DMD: variants seen among roughly 807,000 people sequenced by gnomAD.
The protein encoded by DMD is mutant dystrophin.
DMD carries 63 observed loss-of-function variants against 330.1 expected under a neutral mutation model. That is an observed-to-expected ratio of 0.19 (90% CI 0.16 to 0.24). The LOEUF (loss-of-function observed/expected upper bound fraction) is 0.24, where lower values mean the gene tolerates loss of function less well. Ranked by LOEUF, DMD falls within the 10% of genes least tolerant of loss-of-function variation. DMD has a pLI of 1.00. For synonymous variants in DMD, 1,223 were observed against 959.8 expected (o/e 1.27, Z -5.07); for missense variants, 3,344 against 2,684.1 (o/e 1.25, Z -5.43).
At chrX:32,632,461 A>T (rs1353698272) in intron 11 of DMD, among the ~76,000 whole-genome samples, 1 of 112,080 alleles carries the variant, frequency 8.9e-6, no homozygotes, top group Non-Finnish European at 1.9e-5. Context: ...CCCAGTGGGG[A>T]CTACGTGTGG....
chrX:32,904,454 G>A (rs954088202), intron 2 of DMD, among the ~76,000 whole-genome samples: 2 of 111,849 alleles, frequency 1.8e-5, no homozygotes, highest in Admixed American at 9.5e-5. Flanking sequence ...AAGAGCCTGT[G>A]GGATATTCAA....
chrX:33,045,945 C>A (rs369986518), intron 1 of DMD, among the ~76,000 whole-genome samples: 31 of 111,294 alleles, frequency 2.8e-4, no homozygotes, highest in African/African-American at 8.5e-4. Flanking sequence ...GACACAGACA[C>A]CCCAAATCCT....
At chrX:33,253,843 A>T (rs959624640) in intron 1 of DMD, among the ~76,000 whole-genome samples, 1 of 111,026 alleles carries the variant, frequency 9.0e-6, no homozygotes, top group Non-Finnish European at 1.9e-5. Flanking sequence ...TTAGTTATCA[A>T]TTTTTGTTAT....
intron 44 of DMD, among the ~76,000 whole-genome samples, chrX:32,007,100 A>G (rs766375270): frequency 3.0e-5 from 3 of 100,737 alleles, no homozygotes; most frequent in African/African-American, 3.6e-5. Flanking sequence ...GGATAGCATT[A>G]GGAGATATAC....
intron 44 of DMD, among the ~76,000 whole-genome samples, chrX:32,167,580 G>A (rs2096872712): frequency 8.9e-6 from 1 of 112,344 alleles, no homozygotes; most frequent in African/African-American, 3.2e-5. Context: ...GTTAGTCTGA[G>A]TTACAAATGA....
intron 43 of DMD, among the ~76,000 whole-genome samples, chrX:32,256,019 G>A (rs935927121): frequency 1.8e-5 from 2 of 111,015 alleles, no homozygotes; most frequent in African/African-American, 6.5e-5. Context: ...AAACATACTT[G>A]CCTGGAATGT....
In DMD at chrX:32,460,457, TAAAAC is replaced by T. The variant is rs768791979; in HGVS notation, c.3432+2977_3432+2981del. ...TTCTAATAGGAATATGCAGCAAACT[TAAAAC>T]AACCATTTTAAATGAAATGAAATGA... is the stretch of plus-strand genomic sequence containing the variant. On this transcript the variant is annotated intron_variant, in intron 25 of 78. Transcript: ENST00000357033. 3.8e-3 allele frequency among the ~76,000 whole-genome samples: 417 copies of T among 111,001 alleles called. 4 individuals are homozygous for T. The highest frequency in any genetic ancestry group is 0.013 in the African/African-American group (404 of 30,635).
chrX:32,256,333 A>T (rs1387760773), intron 43 of DMD, among the ~76,000 whole-genome samples: 27 of 101,097 alleles, frequency 2.7e-4, no homozygotes, highest in African/African-American at 7.7e-4. Flanking sequence ...TATTTTTTTT[A>T]ATTTTTTATT....
At chrX:33,145,485 G>A (rs753013021) in intron 1 of DMD, among the ~76,000 whole-genome samples, 4 of 111,422 alleles carry the variant, frequency 3.6e-5, no homozygotes, top group East Asian at 2.8e-4. Flanking sequence ...TTTCAGAAAT[G>A]TAGGCTCTGT....
rs752183957 is a variant in DMD at position 32,112,852 on chromosome X, T to C, written c.6438+104064A>G. Reference sequence around the variant, plus strand: ...ATCACAGCCTCCAGTCCACCTCCTCTCTCCCTCCCATAATGGCAAGTAGAT... The same window carrying C: ...ATCACAGCCTCCAGTCCACCTCCTCCCTCCCTCCCATAATGGCAAGTAGAT... On this transcript the variant is annotated intron_variant, in intron 44 of 78. Coordinates refer to ENST00000357033, the MANE Select transcript of DMD (RefSeq NM_004006.3). Among the ~76,000 whole-genome samples the C allele has an allele frequency of 5.4e-5, 6 of 111,412 alleles. No homozygotes were observed. The East Asian group carries it at 1.7e-3, about 32-fold the overall frequency.
At chrX:32,626,180 G>A (rs1486916287) in intron 11 of DMD, among the ~76,000 whole-genome samples, 1 of 112,098 alleles carries the variant, frequency 8.9e-6, no homozygotes, top group Non-Finnish European at 1.9e-5. Flanking sequence ...TATTCAAAAT[G>A]ATGGCTCAGG....
intron 60 of DMD, among the ~76,000 whole-genome samples, chrX:31,371,031 C>T (rs1437107255): frequency 9.0e-6 from 1 of 110,883 alleles, no homozygotes; most frequent in East Asian, 2.8e-4. Context: ...GTAGGGGGGG[C>T]AGGGAAGTGG....
intron 62 of DMD, among the ~76,000 whole-genome samples, chrX:31,268,030 T>C (rs149077013): frequency 0.034 from 3,816 of 111,951 alleles, 123 homozygotes; most frequent in African/African-American, 0.11. Flanking sequence ...TCCACTTCGG[T>C]CTACAGTTTA....
rs1041212231 is a variant in DMD at position 31,209,615 on chromosome X, T to A, written c.9446A>T (p.Gln3149Leu). ...AATAGTGGTCAAACAATTAATAATC[T>A]GCAGGATATCCATGGGCTGGTCATT... The part of the protein sequence containing the change: ...KQNDQPMDIL[Q>L]IINCLTTIYD... Residue 3149 changes from glutamine to leucine, a missense_variant, in exon 65 of 79, where the codon CAG (glutamine) becomes CTG (leucine). Coordinates refer to ENST00000357033, the MANE Select transcript of DMD (RefSeq NM_004006.3). 3 of 1,211,743 alleles carry A rather than the reference T, an allele frequency of 2.5e-6. No individual in the cohort carries two copies. Among genetic ancestry groups the A allele is most frequent in the East Asian group, 5.9e-5 (2 of 33,847 alleles).
intron 2 of DMD, among the ~76,000 whole-genome samples, chrX:32,897,540 CTGATT>C (rs2085840049): frequency 8.9e-6 from 1 of 112,110 alleles, no homozygotes; most frequent in Non-Finnish European, 1.9e-5. Context: ...ATTGTTCTGT[CTGATT>C]TATTAGCTTT....
intron 12 of DMD, among the ~76,000 whole-genome samples, chrX:32,607,475 T>TAC (rs1229222026): frequency 9.1e-6 from 1 of 110,002 alleles, no homozygotes; most frequent in Admixed American, 9.8e-5. Flanking sequence ...TGTTAAAGGA[T>TAC]ACAGTATCAT....
chrX:33,118,337 C>G (rs766668983), intron 1 of DMD, among the ~76,000 whole-genome samples: 1,503 of 110,080 alleles, frequency 0.014, 29 homozygotes, highest in African/African-American at 0.047. Flanking sequence ...GTCTCGATCT[C>G]CTGACCTCGT....
chrX:32,707,141 A>G (rs2064750096), intron 7 of DMD, among the ~76,000 whole-genome samples: 1 of 111,740 alleles, frequency 8.9e-6, no homozygotes. Context: ...ACAGAAAAAT[A>G]TACTCCACAA....
chrX:32,881,439 T>C (rs1344521127), intron 2 of DMD, among the ~76,000 whole-genome samples: 4 of 112,433 alleles, frequency 3.6e-5, no homozygotes, highest in African/African-American at 1.3e-4. Context: ...TTTCTACTAT[T>C]AATCTTGGAA....
Sources: allele counts gnomAD v4.1 joint callset (sites outside exome capture counted in the v4.1 genomes callset), GRCh38; gene constraint gnomAD v4.1.1; transcripts MANE v1.5; gene names NCBI Gene and HGNC (gene_info 2026-07-23, HGNC 2026-07-21).